CMKLR2: variants seen among roughly 807,000 people sequenced by gnomAD.
CMKLR2 encodes the protein chemerin chemokine-like receptor 2.
In CMKLR2, 18 loss-of-function variants were observed where a neutral mutation model predicts 23.0. That is an observed-to-expected ratio of 0.78 (90% confidence interval 0.54 to 1.16). The LOEUF is 1.16. Ranked by LOEUF, CMKLR2 falls within the 50% of genes most tolerant of loss-of-function variation. The pLI, the probability that CMKLR2 is intolerant of heterozygous loss-of-function variation, is 0.00. For missense variants in CMKLR2, 401 were observed against 412.7 expected (o/e 0.97, Z 0.25); for synonymous variants, 158 against 158.9 (o/e 0.99, Z 0.05).
chr2:206,214,096 C>T (rs1689666612), upstream of CMKLR2, among the ~76,000 whole-genome samples: 1 of 150,836 alleles, frequency 6.6e-6, no homozygotes, highest in African/African-American at 2.4e-5. Context: ...TCAGGTGATC[C>T]ACCCGCCTCA....
chr2:206,213,997 G>T (rs954860613), upstream of CMKLR2, among the ~76,000 whole-genome samples: 8 of 151,688 alleles, frequency 5.3e-5, no homozygotes, highest in South Asian at 1.2e-3. Flanking sequence ...GAGACTACAG[G>T]CACCTACCAC....
intron 1 of CMKLR2, among the ~76,000 whole-genome samples, chr2:206,204,530 G>T (rs1466689143): frequency 1.3e-5 from 2 of 151,712 alleles, no homozygotes; most frequent in Admixed American, 1.3e-4. Flanking sequence ...CTCATTTGTG[G>T]TTACTGTTTT....
At chr2:206,196,907 T>C (rs1688940095) in intron 1 of CMKLR2, among the ~76,000 whole-genome samples, 1 of 152,080 alleles carries the variant, frequency 6.6e-6, no homozygotes, top group Non-Finnish European at 1.5e-5. Context: ...GAAAAGCATA[T>C]TCTTTTTTTG....
chr2:206,195,509 A>T (rs1688892046), intron 1 of CMKLR2, among the ~76,000 whole-genome samples: 1 of 152,182 alleles, frequency 6.6e-6, no homozygotes, highest in Admixed American at 6.5e-5. Context: ...CTGGCTGGGG[A>T]TACTCCAGAA....
chr2:206,195,216 C>T (rs111767271), intron 1 of CMKLR2, among the ~76,000 whole-genome samples: 4 of 152,106 alleles, frequency 2.6e-5, no homozygotes, highest in Non-Finnish European at 4.4e-5. Context: ...AAAGAAAGAA[C>T]TCTGCAGGGT....
Position 206,176,117 on chromosome 2 carries a change from T to C in CMKLR2, c.*63A>G. On this transcript the variant is annotated 3_prime_UTR_variant, in exon 2 of 2. Transcript: ENST00000621141. Reference sequence around the variant, plus strand: ...CTCTATCTTGGAAACAATTTTAATCTGAAAGCATCAGTCAGAGGACCCACA... The same window carrying C: ...CTCTATCTTGGAAACAATTTTAATCCGAAAGCATCAGTCAGAGGACCCACA... 8.3e-7 allele frequency: 1 copy of C among 1,198,432 alleles called. No homozygotes were observed. The highest frequency in any genetic ancestry group is 1.2e-6 in the Non-Finnish European group (1 of 852,432). 74.2% of individuals were successfully genotyped at this position (1,198,432 alleles called of 1,614,324 possible). A position where few individuals can be genotyped will look rare whatever the true frequency, so the allele number is the denominator to read the frequency against.
intron 1 of CMKLR2, among the ~76,000 whole-genome samples, chr2:206,204,715 G>A (rs1171275339): frequency 3.3e-5 from 5 of 151,834 alleles, no homozygotes; most frequent in African/African-American, 9.7e-5. Flanking sequence ...ATGAGCCACC[G>A]CACCCGGTTT....
chr2:206,192,733 G>A (rs1688794166), intron 1 of CMKLR2, among the ~76,000 whole-genome samples: 1 of 151,958 alleles, frequency 6.6e-6, no homozygotes, highest in African/African-American at 2.4e-5. Flanking sequence ...AATCAGCAAT[G>A]TAATGTTTGA....
At chr2:206,200,245 G>A (rs1689051540) in intron 1 of CMKLR2, among the ~76,000 whole-genome samples, 1 of 151,932 alleles carries the variant, frequency 6.6e-6, no homozygotes, top group Non-Finnish European at 1.5e-5. Context: ...GCAACACAGT[G>A]AAACCCCATC....
chr2:206,213,863 A>AT (rs968060290), upstream of CMKLR2: 22 of 151,922 alleles, frequency 1.4e-4, no homozygotes, highest in Non-Finnish European at 2.4e-4. Flanking sequence ...ATTTTTATTT[A>AT]TTTTTTTTGA....
intron 1 of CMKLR2, among the ~76,000 whole-genome samples, chr2:206,204,535 T>TGTTTTCC (rs1689240101): frequency 2.6e-5 from 4 of 152,014 alleles, no homozygotes; most frequent in Admixed American, 2.6e-4. Flanking sequence ...TTGTGGTTAC[T>TGTTTTCC]GTTTTCCGTT....
At chr2:206,186,788 C>CTTTTT (rs532845990) in intron 1 of CMKLR2, among the ~76,000 whole-genome samples, 1 of 129,430 alleles carries the variant, frequency 7.7e-6, no homozygotes, top group Non-Finnish European at 1.7e-5. Flanking sequence ...ACTCTGCTGC[C>CTTTTT]TTTTTTTTTT....
intron 1 of CMKLR2, among the ~76,000 whole-genome samples, chr2:206,190,762 A>G (rs1411150734): frequency 6.6e-6 from 1 of 152,234 alleles, no homozygotes; most frequent in Non-Finnish European, 1.5e-5. Context: ...TCAAATGGAA[A>G]TTAATGATAC....
At chr2:206,190,538 T>C (rs1236833380) in intron 1 of CMKLR2, among the ~76,000 whole-genome samples, 1 of 152,206 alleles carries the variant, frequency 6.6e-6, no homozygotes, top group Non-Finnish European at 1.5e-5. Context: ...GGAGATGTAT[T>C]TGAAAGACAT....
At chr2:206,184,478 G>A (rs1688516784) in intron 1 of CMKLR2, among the ~76,000 whole-genome samples, 1 of 151,820 alleles carries the variant, frequency 6.6e-6, no homozygotes, top group African/African-American at 2.4e-5. Context: ...TTTATTTTTA[G>A]TAAAGACGGG....
chr2:206,211,304 C>G (rs1323208771), intron 1 of CMKLR2, among the ~76,000 whole-genome samples: 1 of 151,934 alleles, frequency 6.6e-6, no homozygotes, highest in Non-Finnish European at 1.5e-5. Context: ...GGAACTATAC[C>G]CAATTCATTC....
rs148641154 is a variant in CMKLR2 at position 206,177,230 on chromosome 2, T to G, written c.18A>C (p.Glu6Asp). The G allele has an allele frequency of 7.2e-5, 115 of 1,600,378 alleles. No homozygotes were observed. Among genetic ancestry groups the G allele is most frequent in the Non-Finnish European group, 9.6e-5 (112 of 1,171,178 alleles). ...AGTTTTCAAATTCTTCAAATAATGTTTCCTCCAAATCTTCCATGACCTTGC... is the reference window on the plus strand; with the variant it reads ...AGTTTTCAAATTCTTCAAATAATGTGTCCTCCAAATCTTCCATGACCTTGC... MEDLE[E>D]TLFEEFENYS... Residue 6 changes from glutamate (E) to aspartate (D), a missense_variant, in exon 2 of 2, where the codon GAA becomes GAC. Transcript: ENST00000621141.
intron 1 of CMKLR2, among the ~76,000 whole-genome samples, chr2:206,187,466 A>C (rs1688617361): frequency 6.6e-6 from 1 of 152,194 alleles, no homozygotes; most frequent in African/African-American, 2.4e-5. Flanking sequence ...ATGCAATCTC[A>C]AAGTAATATC....
intron 1 of CMKLR2, among the ~76,000 whole-genome samples, chr2:206,185,189 G>A (rs1688541765): frequency 6.6e-6 from 1 of 152,088 alleles, no homozygotes; most frequent in African/African-American, 2.4e-5. Context: ...GTTTCACCAT[G>A]TTGGCCAGGC....
Sources: allele counts gnomAD v4.1 joint callset (sites outside exome capture counted in the v4.1 genomes callset), GRCh38; gene constraint gnomAD v4.1.1; transcripts MANE v1.5; gene names NCBI Gene and HGNC (gene_info 2026-07-23, HGNC 2026-07-21).